The following DLG2 variants were observed in gnomAD, a reference collection of about 807,000 sequenced individuals.
The protein encoded by DLG2 is discs large MAGUK scaffold protein 2, also known as disks large homolog 2.
A neutral mutation model predicts 132.5 loss-of-function variants in DLG2; 45 were observed. The ratio of observed to expected loss-of-function variants is 0.34; its 90% CI spans 0.27 to 0.44. The LOEUF (loss-of-function observed/expected upper bound fraction) is 0.44. Ranked by LOEUF, DLG2 falls within the 20% of genes least tolerant of loss-of-function variation. DLG2 has a pLI of 1.00. For missense variants in DLG2, 1,045 were observed against 1,196.9 expected, an observed-to-expected ratio of 0.87 and a Z score of 1.87; for synonymous variants, 424 against 419.6, an observed-to-expected ratio of 1.01 and a Z score of -0.13.
intron 18 of DLG2, among the ~76,000 whole-genome samples, chr11:83,771,478 C>G (rs566509395): frequency 5.9e-5 from 9 of 152,180 alleles, no homozygotes; most frequent in Admixed American, 5.9e-4. Context: ...AGTGCACTTA[C>G]ATGAACCTAG....
At chr11:83,686,198 A>G (rs766248194) in intron 18 of DLG2, among the ~76,000 whole-genome samples, 33 of 152,094 alleles carry the variant, frequency 2.2e-4, no homozygotes, top group African/African-American at 7.5e-4. Context: ...AGCTCCCTTC[A>G]GCAGCTCCCC....
chr11:83,884,386 A>C (rs1973692), intron 15 of DLG2, among the ~76,000 whole-genome samples: 33 of 152,186 alleles, frequency 2.2e-4, no homozygotes, highest in African/African-American at 7.5e-4. Context: ...CAGCGAGGCT[A>C]GGGGGAGGGG....
At chr11:84,875,074 G>A (rs1406940075) in intron 6 of DLG2, among the ~76,000 whole-genome samples, 3 of 150,766 alleles carry the variant, frequency 2.0e-5, no homozygotes, top group Admixed American at 2.0e-4. Flanking sequence ...ACTGATGCAT[G>A]AAAGCTGATA....
chr11:84,767,020 C>G (rs2068518811), intron 6 of DLG2, among the ~76,000 whole-genome samples: 2 of 152,014 alleles, frequency 1.3e-5, no homozygotes, highest in South Asian at 2.1e-4. Context: ...TTCAGCATTA[C>G]CTGGTATGTT....
At chr11:84,854,965 G>A (rs913164806) in intron 6 of DLG2, among the ~76,000 whole-genome samples, 2 of 151,986 alleles carry the variant, frequency 1.3e-5, no homozygotes, top group South Asian at 2.1e-4. Flanking sequence ...ACCTCTCTAA[G>A]TATCTACCTA....
chr11:85,047,029 A>G (rs1403256216), intron 6 of DLG2, among the ~76,000 whole-genome samples: 3 of 151,994 alleles, frequency 2.0e-5, no homozygotes, highest in African/African-American at 4.8e-5. Flanking sequence ...AGTGGGAAAT[A>G]AGATGCTAAA....
chr11:84,928,613 T>C (rs1221163809), intron 6 of DLG2, among the ~76,000 whole-genome samples: 1 of 151,908 alleles, frequency 6.6e-6, no homozygotes, highest in Non-Finnish European at 1.5e-5. Context: ...TTGTAGATCA[T>C]CTAGAACTTC....
chr11:85,407,415 T>A (rs1286216773), intron 3 of DLG2, among the ~76,000 whole-genome samples: 1 of 151,650 alleles, frequency 6.6e-6, no homozygotes, highest in East Asian at 1.9e-4. Context: ...AAACCCTAAC[T>A]CAACTACATA....
chr11:84,232,145 G>A (rs143891161), intron 8 of DLG2, among the ~76,000 whole-genome samples: 263 of 152,230 alleles, frequency 1.7e-3, no homozygotes, highest in Non-Finnish European at 3.2e-3. Context: ...TTGTATTCAG[G>A]TTACAATTCT....
At chr11:85,070,518 A>G (rs2065683763) in intron 6 of DLG2, among the ~76,000 whole-genome samples, 1 of 151,720 alleles carries the variant, frequency 6.6e-6, no homozygotes. Flanking sequence ...GACTTAACCA[A>G]TGCACAATAT....
chr11:84,585,775 T>C (rs1453419655), intron 6 of DLG2, among the ~76,000 whole-genome samples: 3 of 152,266 alleles, frequency 2.0e-5, no homozygotes, highest in Non-Finnish European at 4.4e-5. Context: ...TACATGGAGA[T>C]GGTCCTCCAT....
At chr11:84,959,047 C>T (rs983145290) in intron 6 of DLG2, among the ~76,000 whole-genome samples, 3 of 152,198 alleles carry the variant, frequency 2.0e-5, no homozygotes, top group Non-Finnish European at 4.4e-5. Context: ...GCTTTTGCTG[C>T]TGAGGCTGGC....
At chr11:85,095,077 A>G (rs907498199) in intron 6 of DLG2, among the ~76,000 whole-genome samples, 2 of 152,176 alleles carry the variant, frequency 1.3e-5, no homozygotes, top group East Asian at 1.9e-4. Flanking sequence ...AGGAGACAGA[A>G]CACACACTTT....
At chr11:85,407,156 G>C (rs1432516617) in intron 3 of DLG2, among the ~76,000 whole-genome samples, 1 of 151,566 alleles carries the variant, frequency 6.6e-6, no homozygotes, top group Non-Finnish European at 1.5e-5. Context: ...GGAGGTAGAG[G>C]GACCAAATCA....
chr11:83,582,715 T>C (rs775530051), intron 19 of DLG2, among the ~76,000 whole-genome samples: 21 of 152,338 alleles, frequency 1.4e-4, no homozygotes, highest in South Asian at 6.2e-4. Flanking sequence ...TTAATAATGA[T>C]AGTTCTTCAA....
chr11:84,641,918 G>A (rs958992002), intron 6 of DLG2, among the ~76,000 whole-genome samples: 1 of 150,786 alleles, frequency 6.6e-6, no homozygotes, highest in Non-Finnish European at 1.5e-5. Context: ...GTGTGGATAT[G>A]TTATATATAC....
intron 8 of DLG2, among the ~76,000 whole-genome samples, chr11:84,238,349 T>C (rs915284105): frequency 6.6e-6 from 1 of 152,030 alleles, no homozygotes; most frequent in Non-Finnish European, 1.5e-5. Flanking sequence ...ACTCTATGTC[T>C]ATGAAAAATA....
chr11:83,577,874 T>C (rs1282400658), intron 19 of DLG2, among the ~76,000 whole-genome samples: 1 of 125,082 alleles, frequency 8.0e-6, no homozygotes, highest in South Asian at 2.3e-4. Context: ...TATAAATATA[T>C]ATAATATAAA....
At chr11:84,117,780 T>C (rs182576620) in intron 9 of DLG2, among the ~76,000 whole-genome samples, 86 of 152,316 alleles carry the variant, frequency 5.6e-4, no homozygotes, top group Middle Eastern at 3.4e-3. Context: ...CAATAAGTAT[T>C]TGTTGAATAA....
Sources: gnomAD v4.1 joint callset for allele counts (sites outside exome capture counted in the v4.1 genomes callset) on GRCh38, gnomAD v4.1.1 for gene constraint, MANE v1.5 for transcripts, NCBI Gene and HGNC (gene_info 2026-07-23, HGNC 2026-07-21) for gene names.